DUSP15: variants seen among roughly 807,000 people sequenced by gnomAD.
DUSP15 encodes dual specificity protein phosphatase 15.
DUSP15 carries 23 observed loss-of-function variants against 26.3 expected under a neutral mutation model. That is an observed-to-expected ratio of 0.87 (90% confidence interval 0.63 to 1.24). The LOEUF is 1.24. Ranked by LOEUF, DUSP15 falls within the 50% of genes most tolerant of loss-of-function variation. The probability of loss-of-function intolerance (pLI) is 0.00; values close to 1 mark genes in which losing one functional copy is unlikely to be tolerated. For synonymous variants in DUSP15, 143 were observed against 135.5 expected (o/e 1.06, Z -0.39); for missense variants, 364 against 320.6 (o/e 1.14, Z -1.03).
chr20:31,852,171 C>T (rs1007510262), intron 6 of DUSP15, among the ~76,000 whole-genome samples: 1 of 152,088 alleles, frequency 6.6e-6, no homozygotes, highest in Non-Finnish European at 1.5e-5. Flanking sequence ...CCACTCCTGG[C>T]TAATTTTTTG....
In DUSP15 at chr20:31,862,713, A is replaced by G. The variant is rs1487107730; in HGVS notation, c.293T>C (p.Ile98Thr). The change falls in exon 6 of 7, where the codon ATT becomes ACT. Residue 98 changes from isoleucine to threonine, a missense_variant. Physicochemically the swap from Ile to Thr is moderately conservative, Grantham distance 89 (BLOSUM62 -1). Coordinates refer to ENST00000339738, the MANE Select transcript of DUSP15 (RefSeq NM_080611.5). ...CACAGTCATCACATACGCTGTCACA[A>G]TCGTGGTGCTGCGAGAGATGCCTGC... Reference protein sequence around the residue: ...CFAGISRSTTIVTAYVMTVTG... With the variant: ...CFAGISRSTTTVTAYVMTVTG... 4 of 1,611,742 alleles carry G rather than the reference A, an allele frequency of 2.5e-6. No homozygotes were observed.
chr20:31,861,349 A>T lies in DUSP15; in HGVS notation c.*54T>A. 9.0e-6 allele frequency: 13 copies of T among 1,448,958 alleles called. No individual in the cohort carries two copies. The highest frequency in any genetic ancestry group is 1.1e-5 in the Non-Finnish European group (12 of 1,106,130). The allele number at this position is 1,448,958 out of a possible 1,614,324, so 89.8% of individuals were successfully genotyped here. The stretch of plus-strand genomic sequence containing the variant: ...GTCCTGGGGGGCGTGGAAGGCGCAG[A>T]CAGCCCCCGAAGGGAGCCAGTCGGA... On this transcript the variant is annotated 3_prime_UTR_variant, in exon 7 of 7. Coordinates refer to ENST00000339738, the MANE Select transcript of DUSP15 (RefSeq NM_080611.5).
chr20:31,866,975 A>G, intron 3 of DUSP15, 96 bp downstream of exon 3: 1 of 1,223,406 alleles, frequency 8.2e-7, no homozygotes, highest in Non-Finnish European at 1.1e-6. Context: ...ACATGAGTCA[A>G]GAAGGAAGCA....
At chr20:31,850,509 G>A in intron 7 of DUSP15, 4 of 1,224,580 alleles carry the variant, frequency 3.3e-6, no homozygotes, top group Non-Finnish European at 4.7e-6. Context: ...TTGGGAGCCT[G>A]GGCTGGGTGC....
exon 10 of DUSP15, chr20:31,848,521 A>G (rs376502649): frequency 1.4e-4 from 230 of 1,605,848 alleles, no homozygotes; most frequent in Non-Finnish European, 1.9e-4. Flanking sequence ...CGGTTGAGGC[A>G]CTTAGAGTGC....
At position 31,870,447 on chromosome 20, in the gene DUSP15, G is replaced by T. The variant is rs867605025; in HGVS notation, c.-110C>A. 1.5e-5 allele frequency: 19 copies of T among 1,284,540 alleles called. 1 individual carries two copies. The South Asian group carries it at 3.0e-4, about 20-fold the overall frequency. 79.6% of individuals were successfully genotyped at this position (1,284,540 alleles called of 1,614,324 possible). A position where few individuals can be genotyped will look rare whatever the true frequency, so the allele number is the denominator to read the frequency against. ...CGACGCCTGCAGCCTGGCGGGGAACGGGGGGCCTGGCGTCCGCGGCCCTGC... is the reference window on the plus strand; with the variant it reads ...CGACGCCTGCAGCCTGGCGGGGAACTGGGGGCCTGGCGTCCGCGGCCCTGC... On this transcript the variant is annotated 5_prime_UTR_variant, in exon 1 of 7. Transcript: ENST00000339738. The surrounding 1 kb of genome is among the most constrained non-coding windows in gnomAD (Gnocchi z 6.6).
At chr20:31,848,684 C>G in intron 9 of DUSP15, 1 of 1,457,898 alleles carries the variant, frequency 6.9e-7, no homozygotes, top group Non-Finnish European at 9.2e-7. Context: ...AGGTAGGGTC[C>G]TACAGACCCG....
chr20:31,866,323 ATTTGT>A lies in DUSP15; in HGVS notation c.138+743_138+747del, dbSNP rs539237663. Among the ~76,000 whole-genome samples the A allele has an allele frequency of 1.6e-3, 247 of 152,232 alleles. 2 individuals are homozygous for A. The highest frequency in any genetic ancestry group is 5.8e-3 in the African/African-American group (240 of 41,534). ...TAAATTTGTTATAGTATCAGTTGTG[ATTTGT>A]TGAGCATCTATTTATGTGGTTCCCA... is the stretch of plus-strand genomic sequence containing the variant. On this transcript the variant is annotated intron_variant, in intron 3 of 6. Transcript: ENST00000339738.
In DUSP15 at chr20:31,861,440, C is replaced by T. The variant is rs1319244544; in HGVS notation, c.671G>A (p.Cys224Tyr). The T allele has an allele frequency of 6.4e-7, 1 of 1,559,160 alleles. No homozygotes were observed. The highest frequency in any genetic ancestry group is 8.6e-7 in the Non-Finnish European group (1 of 1,162,816). Residue 224 changes from cysteine (C) to tyrosine (Y), a missense_variant, in exon 7 of 7, where the codon TGC (cysteine) becomes TAC (tyrosine). Cys to Tyr is a radical substitution (Grantham distance 194). Transcript: ENST00000339738. The part of the protein sequence containing the change: ...LLARVKQTFS[C>Y]LPRCLSRKGG... The stretch of plus-strand genomic sequence containing the variant: ...CTTGCGGGACAGACACCGGGGGAGG[C>T]AAGAGAAAGTCTGCTTGACGCGCGC...
At chr20:31,851,126 G>A (rs1378454740) in intron 6 of DUSP15, among the ~76,000 whole-genome samples, 2 of 152,188 alleles carry the variant, frequency 1.3e-5, no homozygotes, top group Admixed American at 6.5e-5. Context: ...AAACTCCCCC[G>A]CCCCCATGGA....
At chr20:31,848,972 G>T in intron 8 of DUSP15, 3 of 1,295,086 alleles carry the variant, frequency 2.3e-6, no homozygotes, top group Non-Finnish European at 3.3e-6. Context: ...GCAACCCACT[G>T]GTGCCCATCT....
At chr20:31,862,536 C>T in intron 6 of DUSP15, 35 bp downstream of exon 6, 1 of 1,555,210 alleles carries the variant, frequency 6.4e-7, no homozygotes, top group Non-Finnish European at 8.7e-7. Flanking sequence ...GATCTCCCAC[C>T]CCTGGCCCAA....
exon 10 of DUSP15, chr20:31,848,396 G>A (rs996521194): frequency 6.2e-7 from 1 of 1,610,566 alleles, no homozygotes; most frequent in Admixed American, 1.7e-5. Context: ...CCCTGTTGGG[G>A]GCTGCCTTCA....
At chr20:31,853,331 T>C (rs1351560074) in intron 6 of DUSP15, among the ~76,000 whole-genome samples, 2 of 152,132 alleles carry the variant, frequency 1.3e-5, no homozygotes, top group African/African-American at 4.8e-5. Context: ...AGTGGTTTGC[T>C]ATCTGCCGAG....
chr20:31,861,532 G>T lies in DUSP15; in HGVS notation c.579C>A (p.Ser193=). 1 of 1,515,076 alleles carries T rather than the reference G, an allele frequency of 6.6e-7. No homozygotes were observed. The highest frequency in any genetic ancestry group is 2.6e-5 in the East Asian group (1 of 38,012). 93.9% of individuals were successfully genotyped at this position (1,515,076 alleles called of 1,614,324 possible). The change falls in exon 7 of 7, where the codon TCC becomes TCA. Residue 193 remains serine, a synonymous_variant. Transcript: ENST00000339738. ...ASSAGPHSAA[S]EGTVQRLVPR... ...GCACCAGGCGCTGCACGGTTCCCTC[G>T]GAGGCTGCTGAGTGCGGCCCGGCGG... is the stretch of plus-strand genomic sequence containing the variant.
chr20:31,862,747 G>C lies in DUSP15; in HGVS notation c.264-5C>G. 1 of 1,594,120 alleles carries C rather than the reference G, an allele frequency of 6.3e-7. No individual in the cohort carries two copies. The highest frequency in any genetic ancestry group is 8.6e-7 in the Non-Finnish European group (1 of 1,166,274). On this transcript the variant is annotated splice_region_variant and splice_polypyrimidine_tract_variant and intron_variant, in intron 5 of 6. Coordinates refer to ENST00000339738, the MANE Select transcript of DUSP15 (RefSeq NM_080611.5). ...CTGCGAGAGATGCCTGCAAAGCTGG[G>C]ATCCCCAACAACCCCTCAGGCTTCA...
chr20:31,862,181 C>A (rs1203356100), intron 6 of DUSP15, among the ~76,000 whole-genome samples: 1 of 151,958 alleles, frequency 6.6e-6, no homozygotes, highest in Non-Finnish European at 1.5e-5. Flanking sequence ...TAGCATCTGC[C>A]CGAGAGGTAT....
At position 31,867,099 on chromosome 20, in the gene DUSP15, A is replaced by G. The variant is rs776813177; in HGVS notation, c.110T>C (p.Ile37Thr). 1.4e-5 allele frequency: 22 copies of G among 1,590,554 alleles called. No homozygotes were observed. Among genetic ancestry groups the G allele is most frequent in the Non-Finnish European group, 1.9e-5 (22 of 1,167,918 alleles). Residue 37 changes from isoleucine to threonine, a missense_variant, in exon 3 of 7, where the codon ATC becomes ACC. By Grantham distance (89) the Ile-to-Thr change is moderately conservative (BLOSUM62 -1). Coordinates refer to ENST00000339738, the MANE Select transcript of DUSP15 (RefSeq NM_080611.5). ...CAGCAGAGGCTGGGGTGACTCATGG[A>G]TAGAGATGATGTGTGTGATCTTATT... is the stretch of plus-strand genomic sequence containing the variant. Reference protein sequence around the residue: ...GRNKITHIISIHESPQPLLQD... With the variant: ...GRNKITHIISTHESPQPLLQD...
exon 7 of DUSP15, chr20:31,850,637 A>C (rs2062453910): frequency 4.3e-6 from 7 of 1,611,900 alleles, no homozygotes; most frequent in Non-Finnish European, 5.9e-6. Flanking sequence ...ATCGGAGGGC[A>C]TTGGGCACCA....
Sources: gnomAD v4.1 joint callset for allele counts (sites outside exome capture counted in the v4.1 genomes callset) on GRCh38, gnomAD v4.1.1 for gene constraint, Gnocchi (gnomAD v3.1) non-coding constraint, MANE v1.5 for transcripts, NCBI Gene and HGNC (gene_info 2026-07-23, HGNC 2026-07-21) for gene names.